Variants in PKM observed in about 807,000 individuals in gnomAD.
The protein encoded by PKM is pyruvate kinase PKM.
In PKM, 18 loss-of-function variants were observed where a neutral mutation model predicts 49.8. The observed-to-expected ratio is 0.36, with a 90% CI of 0.25 to 0.54. PKM has a LOEUF of 0.54. Among genes scored for constraint, PKM ranks in the 20% least tolerant of loss-of-function variants. The pLI is 0.89. For synonymous variants in PKM, 239 were observed against 261.8 expected (o/e 0.91, Z 0.84); for missense variants, 508 against 713.8 (o/e 0.71, Z 3.28).
Position 72,217,494 on chromosome 15 carries a change from G to A in PKM, c.161C>T (p.Ala54Val), listed in dbSNP as rs2082405144. 5 of 1,602,974 alleles carry A rather than the reference G, an allele frequency of 3.1e-6. No individual in the cohort carries two copies. Among genetic ancestry groups the A allele is most frequent in the Non-Finnish European group, 4.3e-6 (5 of 1,169,956 alleles). Residue 54 changes from alanine to valine, a missense_variant, in exon 3 of 11, where the codon GCT (alanine) becomes GTT (valine). Ala to Val is a moderately conservative substitution (Grantham distance 64). Transcript: ENST00000335181. ...NTGIICTIGP[A>V]SRSVETLKEM... The stretch of plus-strand genomic sequence containing the variant: ...CTTCAACGTCTCCACTGATCGGGAA[G>A]CTGGGCCTATTAGGAAAAGTTTTAA...
At position 72,199,396 on chromosome 15, in the gene PKM, C is replaced by T; in HGVS notation, c.*254G>A. On this transcript the variant is annotated 3_prime_UTR_variant, in exon 11 of 11. Coordinates refer to ENST00000335181, the MANE Select transcript of PKM (RefSeq NM_002654.6). ...CCTCTTGCCATCTGGCTCCAGGGGC[C>T]TCCAGTCCAGCATTCCTCCTTCTTC... 2 of 671,714 alleles carry T rather than the reference C, an allele frequency of 3.0e-6. No individual in the cohort carries two copies. Among genetic ancestry groups the T allele is most frequent in the Middle Eastern group, 2.4e-4 (1 of 4,224 alleles). 41.6% of individuals were successfully genotyped at this position (671,714 alleles called of 1,614,324 possible).
chr15:72,221,905 T>A (rs1044207700), intron 1 of PKM, among the ~76,000 whole-genome samples: 16 of 128,508 alleles, frequency 1.2e-4, no homozygotes, highest in African/African-American at 4.5e-4. Context: ...TCAACCTTAA[T>A]ACATTCAGAA....
At chr15:72,218,315 T>C (rs1343672063) in intron 2 of PKM, among the ~76,000 whole-genome samples, 6 of 151,980 alleles carry the variant, frequency 3.9e-5, no homozygotes, top group Non-Finnish European at 8.8e-5. Flanking sequence ...TTAGTAGAGA[T>C]GGGATTTCAC....
intron 6 of PKM, among the ~76,000 whole-genome samples, chr15:72,207,639 G>A (rs938401374): frequency 5.9e-5 from 9 of 152,248 alleles, no homozygotes; most frequent in Non-Finnish European, 1.2e-4. Flanking sequence ...CAGGGAACCT[G>A]AGGCCTGATG....
intron 8 of PKM, chr15:72,204,300 G>C (rs796726070): frequency 1.3e-5 from 2 of 152,272 alleles, no homozygotes; most frequent in Non-Finnish European, 1.5e-5. Context: ...ACCTGGAGGG[G>C]CAGCTACAGC....
At chr15:72,208,476 TAAGATATTCTGATTCAGCAGGTTTGGAA>T (rs2082142747) in intron 6 of PKM, 117 bp downstream of exon 6, 2 of 857,868 alleles carry the variant, frequency 2.3e-6, no homozygotes, top group Non-Finnish European at 3.9e-6. Flanking sequence ...TCTACTCTCC[TAAGATATTCTGATTCAGCAGGTTTGGAA>T]CTGGCTTGGG....
intron 1 of PKM, among the ~76,000 whole-genome samples, chr15:72,227,087 T>A (rs936800554): frequency 6.6e-6 from 1 of 152,212 alleles, no homozygotes; most frequent in Non-Finnish European, 1.5e-5. Context: ...TACTCAATTA[T>A]CCAGTCTGCC....
intron 3 of PKM, 55 bp from the exon 4 acceptor site, chr15:72,210,533 A>G: frequency 6.2e-7 from 1 of 1,607,872 alleles, no homozygotes; most frequent in Non-Finnish European, 8.5e-7. Context: ...ATCCAGCTCC[A>G]ATTCCCCTGC....
intron 1 of PKM, among the ~76,000 whole-genome samples, chr15:72,220,448 G>A (rs1053410685): frequency 1.3e-5 from 2 of 152,174 alleles, no homozygotes; most frequent in Admixed American, 6.5e-5. Flanking sequence ...AAGAAGGCCC[G>A]CTGAGGTCCA....
At chr15:72,228,197 T>C (rs941775150) in intron 1 of PKM, among the ~76,000 whole-genome samples, 2 of 152,216 alleles carry the variant, frequency 1.3e-5, no homozygotes, top group African/African-American at 4.8e-5. Flanking sequence ...AAGAACCTTC[T>C]TTAAGTCATC....
chr15:72,208,611 G>A lies in PKM; in HGVS notation c.836+10C>T, dbSNP rs752948916. ...GCGCTGGGACTGGAGCAGGGACAAC[G>A]GGGACTTGCCTCCGAACCCCCTCAT... On this transcript the variant is annotated intron_variant, in intron 6 of 10. Coordinates refer to ENST00000335181, the MANE Select transcript of PKM (RefSeq NM_002654.6). The A allele has an allele frequency of 7.4e-6, 12 of 1,613,906 alleles. No homozygotes were observed. In the South Asian group the frequency reaches 7.7e-5, roughly 10 times the overall value.
intron 6 of PKM, 147 bp from the exon 7 acceptor site, chr15:72,207,424 T>C (rs775900160): frequency 3.5e-5 from 27 of 763,990 alleles, no homozygotes; most frequent in Non-Finnish European, 5.9e-5. Flanking sequence ...TGCACACAGA[T>C]GGCAAGGCAG....
chr15:72,221,785 G>A (rs556223026), intron 1 of PKM, among the ~76,000 whole-genome samples: 3 of 151,654 alleles, frequency 2.0e-5, no homozygotes, highest in Admixed American at 1.3e-4. Flanking sequence ...GAGAAAAGAC[G>A]CATGTCTCAA....
intron 1 of PKM, among the ~76,000 whole-genome samples, chr15:72,227,364 A>C (rs1056221369): frequency 6.6e-6 from 1 of 152,230 alleles, no homozygotes; most frequent in African/African-American, 2.4e-5. Context: ...TTCAGAAAGA[A>C]GGGTAATGTC....
Position 72,200,343 on chromosome 15 carries a change from G to A in PKM, c.1489+131C>T, listed in dbSNP as rs12594297. 27,759 of 780,538 alleles carry A rather than the reference G, an allele frequency of 0.036. 1,233 individuals carry two copies. Among genetic ancestry groups the A allele is most frequent in the East Asian group, 0.2 (7,673 of 37,736 alleles). The allele number at this position is 780,538 out of a possible 1,614,324, so 48.4% of individuals were successfully genotyped here. A position where few individuals can be genotyped will look rare whatever the true frequency, so the allele number is the denominator to read the frequency against. ...TTCCCAATAAGGGAGAGGAACAGTC[G>A]CTGGGCCTTTTGCCCCACTAAGGTC... On this transcript the variant is annotated intron_variant, in intron 10 of 10. Coordinates refer to ENST00000335181, the MANE Select transcript of PKM (RefSeq NM_002654.6). The surrounding 1 kb of genome is among the most constrained non-coding windows in gnomAD (Gnocchi z 4.6).
intron 8 of PKM, chr15:72,203,965 T>G (rs1202867405): frequency 2.0e-5 from 3 of 152,252 alleles, no homozygotes; most frequent in Non-Finnish European, 4.4e-5. Flanking sequence ...AAAGACAATG[T>G]AAGCTTTAGA....
At position 72,200,569 on chromosome 15, in the gene PKM, A is replaced by G; in HGVS notation, c.1394T>C (p.Leu465Pro). Residue 465 changes from leucine (L) to proline (P), a missense_variant, in exon 10 of 11, where the codon CTG becomes CCG. Transcript: ENST00000335181. This position sits in a 1 kb window ranked among gnomAD's most constrained non-coding sequence, Gnocchi z 4.6. ...RNPQTARQAHLYRGIFPVLCK... is the reference protein window; with the variant it reads ...RNPQTARQAHPYRGIFPVLCK... Reference sequence around the variant, plus strand: ...CAGCACAGGGAAGATGCCACGGTACAGGTGGGCCTGACGAGCTGTCTGGGG... The same window carrying G: ...CAGCACAGGGAAGATGCCACGGTACGGGTGGGCCTGACGAGCTGTCTGGGG... The G allele has an allele frequency of 6.2e-7, 1 of 1,614,020 alleles. No individual in the cohort carries two copies. Among genetic ancestry groups the G allele is most frequent in the Non-Finnish European group, 8.5e-7 (1 of 1,179,926 alleles).
chr15:72,203,728 G>C (rs991854889), intron 8 of PKM: 2 of 159,708 alleles, frequency 1.3e-5, no homozygotes, highest in Non-Finnish European at 1.4e-5. Flanking sequence ...GGAAAGCTGG[G>C]ATCAAAGCCA....
At chr15:72,215,576 A>T (rs1268907448) in intron 3 of PKM, among the ~76,000 whole-genome samples, 1 of 152,196 alleles carries the variant, frequency 6.6e-6, no homozygotes, top group East Asian at 1.9e-4. Flanking sequence ...GTGAAAGTAG[A>T]GATAATCTCC....
Sources: gnomAD v4.1 joint callset for allele counts (sites outside exome capture counted in the v4.1 genomes callset) on GRCh38, gnomAD v4.1.1 for gene constraint, Gnocchi (gnomAD v3.1) non-coding constraint, MANE v1.5 for transcripts, NCBI Gene and HGNC (gene_info 2026-07-23, HGNC 2026-07-21) for gene names.